The following CRB1 variants were observed in gnomAD, a reference collection of about 807,000 sequenced individuals.
CRB1 encodes the protein crumbs cell polarity complex component 1.
In CRB1, 83 loss-of-function variants were observed where a neutral mutation model predicts 120.0. The ratio of observed to expected loss-of-function variants is 0.69; its 90% CI spans 0.58 to 0.83. The LOEUF (loss-of-function observed/expected upper bound fraction) is 0.83. Ranked by LOEUF, CRB1 falls within the 40% of genes least tolerant of loss-of-function variation. The pLI is 0.00. For missense variants in CRB1, 1,699 were observed against 1,687.6 expected, an observed-to-expected ratio of 1.01 and a Z score of -0.12; for synonymous variants, 625 against 612.5, an observed-to-expected ratio of 1.02 and a Z score of -0.30.
intron 1 of CRB1, among the ~76,000 whole-genome samples, chr1:197,307,555 G>A (rs981563391): frequency 4.6e-5 from 7 of 152,160 alleles, no homozygotes; most frequent in African/African-American, 1.7e-4. Flanking sequence ...GTACAGAGAA[G>A]TTCAGTATGA....
intron 5 of CRB1, among the ~76,000 whole-genome samples, chr1:197,405,833 C>T (rs1326402771): frequency 1.3e-5 from 2 of 152,078 alleles, no homozygotes; most frequent in East Asian, 1.9e-4. Context: ...AGGAGCCCCT[C>T]CACCTGGCAG....
intron 5 of CRB1, among the ~76,000 whole-genome samples, chr1:197,378,151 T>C (rs566540340): frequency 6.6e-6 from 1 of 152,328 alleles, no homozygotes; most frequent in South Asian, 2.1e-4. Flanking sequence ...AAAAGAGGAA[T>C]GGTGGCTAGA....
chr1:197,394,189 A>G (rs181165756), intron 5 of CRB1, among the ~76,000 whole-genome samples: 1 of 152,174 alleles, frequency 6.6e-6, no homozygotes, highest in African/African-American at 2.4e-5. Flanking sequence ...TAGCCTACTT[A>G]TTGTAAAGAT....
chr1:197,234,949 A>G, the CRB1 span, among the ~76,000 whole-genome samples: 1 of 152,196 alleles, frequency 6.6e-6, no homozygotes, highest in South Asian at 2.1e-4. Flanking sequence ...ATCCTATCCC[A>G]TACCACTGAG....
At position 197,337,191 on chromosome 1, in the gene CRB1, C is replaced by T. The variant is rs1032002965; in HGVS notation, c.653-7090C>T. Among the ~76,000 whole-genome samples the T allele has an allele frequency of 7.9e-5, 12 of 152,240 alleles. No individual in the cohort carries two copies. The South Asian group carries it at 1.7e-3, about 21-fold the overall frequency. On this transcript the variant is annotated intron_variant, in intron 2 of 11. Transcript: ENST00000367400. ...AAGAGAGATCCCTCACCCCTTCTAC[C>T]ATGTGAGGACATAGAAAGAAATTAT...
At chr1:197,286,327 CA>C (rs1424338878) in intron 1 of CRB1, among the ~76,000 whole-genome samples, 1 of 151,828 alleles carries the variant, frequency 6.6e-6, no homozygotes, top group African/African-American at 2.4e-5. Flanking sequence ...AAAACTCCTG[CA>C]ATGTACCTGT....
chr1:197,283,473 A>T (rs914097997), intron 1 of CRB1, among the ~76,000 whole-genome samples: 1 of 151,776 alleles, frequency 6.6e-6, no homozygotes, highest in African/African-American at 2.4e-5. Context: ...GCTCCCACTT[A>T]TGAGTGAGAA....
chr1:197,244,293 G>T, the CRB1 span, among the ~76,000 whole-genome samples: 1 of 152,188 alleles, frequency 6.6e-6, no homozygotes, highest in South Asian at 2.1e-4. Flanking sequence ...AATTTGGTAT[G>T]TTTTTGCAGT....
At chr1:197,299,137 C>T (rs956083017) in intron 1 of CRB1, among the ~76,000 whole-genome samples, 1 of 152,028 alleles carries the variant, frequency 6.6e-6, no homozygotes. Context: ...ATGTAAAGCA[C>T]TCCTTCAAAT....
At chr1:197,345,777 C>G (rs548398658) in intron 3 of CRB1, among the ~76,000 whole-genome samples, 4 of 151,900 alleles carry the variant, frequency 2.6e-5, no homozygotes, top group Non-Finnish European at 5.9e-5. Context: ...TGAAGTGTTG[C>G]GATTACAGGT....
intron 2 of CRB1, among the ~76,000 whole-genome samples, 153 bp from the exon 3 acceptor site, chr1:197,344,128 A>G (rs1659628253): frequency 6.6e-6 from 1 of 152,222 alleles, no homozygotes; most frequent in African/African-American, 2.4e-5. Context: ...AAGCACACCA[A>G]AAGTTAATAT....
chr1:197,467,399 CTCT>C (rs1488714447), intron 11 of CRB1, among the ~76,000 whole-genome samples: 6 of 152,114 alleles, frequency 3.9e-5, no homozygotes, highest in Non-Finnish European at 5.9e-5. Flanking sequence ...ATTTTAGTAT[CTCT>C]TAAGAAAGAA....
rs902818172 is a variant in CRB1, at chr1:197,304,447, C to T, written c.71-23975C>T. The T allele has an allele frequency of 4.4e-6, 4 of 906,858 alleles. No individual in the cohort carries two copies. The African/African-American group carries it at 7.2e-5, about 16-fold the overall frequency. 56.2% of individuals were successfully genotyped at this position (906,858 alleles called of 1,614,324 possible). The stretch of plus-strand genomic sequence containing the variant: ...ATGTCCTGGTTCAGGTGTATTCTCA[C>T]TTAACCTCTATGATTTTCATATTCT... On this transcript the variant is annotated intron_variant, in intron 1 of 11. Transcript: ENST00000367400.
At chr1:197,452,971 T>C (rs533423131) in intron 11 of CRB1, among the ~76,000 whole-genome samples, 10 of 152,072 alleles carry the variant, frequency 6.6e-5, no homozygotes, top group South Asian at 6.2e-4. Context: ...AGCCAATAGA[T>C]GGAAACAGGC....
chr1:197,371,686 A>G (rs549920441), intron 5 of CRB1, among the ~76,000 whole-genome samples: 96 of 152,238 alleles, frequency 6.3e-4, no homozygotes, highest in African/African-American at 2.3e-3. Context: ...GTTTACATGA[A>G]TTACCCTTGC....
intron 1 of CRB1, among the ~76,000 whole-genome samples, chr1:197,289,446 G>A (rs1201438646): frequency 6.6e-6 from 1 of 151,610 alleles, no homozygotes; most frequent in Non-Finnish European, 1.5e-5. Flanking sequence ...GTATTGTGAT[G>A]TGCCTTGGTT....
chr1:197,346,306 ACTT>A (rs909558668), intron 3 of CRB1, among the ~76,000 whole-genome samples: 11 of 152,190 alleles, frequency 7.2e-5, no homozygotes, highest in African/African-American at 2.4e-4. Context: ...AAAAAAAAGA[ACTT>A]CTTGCATACC....
chr1:197,324,004 T>C (rs948700186), intron 1 of CRB1, among the ~76,000 whole-genome samples: 2 of 152,184 alleles, frequency 1.3e-5, no homozygotes, highest in African/African-American at 4.8e-5. Flanking sequence ...ATTTAAAATA[T>C]GTTGACAGAA....
chr1:197,361,035 C>T (rs1189885044), intron 5 of CRB1, among the ~76,000 whole-genome samples: 2 of 152,114 alleles, frequency 1.3e-5, no homozygotes, highest in Non-Finnish European at 2.9e-5. Context: ...CTTATTTAGC[C>T]TATTGATGTG....
Sources: gnomAD v4.1 joint callset for allele counts (sites outside exome capture counted in the v4.1 genomes callset) on GRCh38, gnomAD v4.1.1 for gene constraint, MANE v1.5 for transcripts, NCBI Gene and HGNC (gene_info 2026-07-23, HGNC 2026-07-21) for gene names.